Variants in UNC79 observed in about 807,000 individuals in gnomAD.
UNC79 encodes protein unc-79 homolog.
In UNC79, 37 loss-of-function variants were observed where a neutral mutation model predicts 283.1. The ratio of observed to expected loss-of-function variants is 0.13; its 90% CI spans 0.10 to 0.17. UNC79 has a LOEUF of 0.17. Ranked by LOEUF, UNC79 falls within the 10% of genes least tolerant of loss-of-function variation. The pLI is 1.00. For missense variants in UNC79, 2,272 were observed against 3,211.1 expected, an observed-to-expected ratio of 0.71 and a Z score of 7.07; for synonymous variants, 1,107 against 1,200.2, an observed-to-expected ratio of 0.92 and a Z score of 1.61.
intron 14 of UNC79, among the ~76,000 whole-genome samples, chr14:93,554,751 C>T (rs551945316): frequency 6.6e-6 from 1 of 152,336 alleles, no homozygotes; most frequent in Non-Finnish European, 1.5e-5. Context: ...CTGGCTTAAA[C>T]TTTCAGTTAT....
chr14:93,612,824 C>T, exon 27 of UNC79: 1 of 1,614,014 alleles, frequency 6.2e-7, no homozygotes, highest in Non-Finnish European at 8.5e-7. Context: ...AATGACAACA[C>T]CATCAAGGAC....
intron 1 of UNC79, among the ~76,000 whole-genome samples, chr14:93,388,767 T>C (rs1017743117): frequency 2.0e-5 from 3 of 152,232 alleles, no homozygotes; most frequent in African/African-American, 7.2e-5. Context: ...TTGTAAGATA[T>C]TGAAGGAATA....
intron 31 of UNC79, 68 bp downstream of exon 34, chr14:93,634,705 C>A: frequency 7.4e-7 from 1 of 1,354,006 alleles, no homozygotes; most frequent in Non-Finnish European, 1.1e-6. Flanking sequence ...TGTGTCCACT[C>A]TGCTCCCTTG....
chr14:93,587,034 A>G (rs1269308590), intron 22 of UNC79, 126 bp downstream of exon 22: 17 of 1,112,978 alleles, frequency 1.5e-5, no homozygotes, highest in Non-Finnish European at 1.9e-5. Context: ...TCGATTGCCT[A>G]TGATAACTAC....
chr14:93,400,931 G>T (rs189933871), intron 1 of UNC79, among the ~76,000 whole-genome samples: 22 of 152,324 alleles, frequency 1.4e-4, no homozygotes, highest in Non-Finnish European at 2.5e-4. Flanking sequence ...AAGCAGATGG[G>T]AGAATAAGAC....
intron 47 of UNC79, among the ~76,000 whole-genome samples, chr14:93,698,476 GTTTT>G (rs71129655): frequency 3.8e-5 from 3 of 79,096 alleles, no homozygotes; most frequent in African/African-American, 8.0e-5. Context: ...TTTAGTTTAG[GTTTT>G]TTTTTTTTTT....
At chr14:93,512,387 C>G (rs1308688790) in intron 7 of UNC79, among the ~76,000 whole-genome samples, 3 of 138,514 alleles carry the variant, frequency 2.2e-5, no homozygotes, top group Non-Finnish European at 4.8e-5. Context: ...ACTTATTTTG[C>G]TTGGGGTTTG....
At position 93,417,419 on chromosome 14, in the gene UNC79, G is replaced by A. The variant is rs2055487273; in HGVS notation, c.-350-50252G>A. Among the ~76,000 whole-genome samples the A allele has an allele frequency of 3.9e-5, 6 of 152,216 alleles. No homozygotes were observed. The South Asian group carries it at 1.2e-3, about 32-fold the overall frequency. On this transcript the variant is annotated intron_variant, in intron 1 of 49. Coordinates refer to the UNC79 transcript ENST00000256339. Reference sequence around the variant, plus strand: ...GTTAGTCTGATGGGCTTCCCTTTGTGGGTAACCCGACCTTTCTCTCTGGCT... The same window carrying A: ...GTTAGTCTGATGGGCTTCCCTTTGTAGGTAACCCGACCTTTCTCTCTGGCT...
At chr14:93,490,347 T>G (rs934939023) in intron 5 of UNC79, among the ~76,000 whole-genome samples, 4 of 152,206 alleles carry the variant, frequency 2.6e-5, no homozygotes, top group African/African-American at 9.6e-5. Flanking sequence ...ACAGATAGGC[T>G]GAGGGTTTTC....
chr14:93,520,706 G>GC (rs1302920098), intron 7 of UNC79, among the ~76,000 whole-genome samples: 2 of 151,688 alleles, frequency 1.3e-5, no homozygotes, highest in African/African-American at 4.8e-5. Context: ...CTTCTATTAA[G>GC]CCCATTCAGT....
At chr14:93,605,698 A>G (rs1204780857) in intron 26 of UNC79, among the ~76,000 whole-genome samples, 1 of 152,184 alleles carries the variant, frequency 6.6e-6, no homozygotes, top group Non-Finnish European at 1.5e-5. Flanking sequence ...TTTTAAGGTA[A>G]ATGTTTCAGA....
At chr14:93,693,815 AAT>A (rs1289191307) in intron 46 of UNC79, among the ~76,000 whole-genome samples, 1 of 152,218 alleles carries the variant, frequency 6.6e-6, no homozygotes, top group Non-Finnish European at 1.5e-5. Context: ...AACCAAGGAA[AAT>A]AGTCTGTAAT....
In UNC79 at chr14:93,531,531, T is replaced by C. The variant is rs921712796; in HGVS notation, c.1094-1019T>C. Among the ~76,000 whole-genome samples the C allele has an allele frequency of 7.9e-5, 12 of 152,228 alleles. No individual in the cohort carries two copies. The highest frequency in any genetic ancestry group is 2.4e-4 in the African/African-American group (10 of 41,450). ...AAAGAATTCTTATGCATTCATTATG[T>C]AGACAGTAATTTGACAGTCTTGCTC... On this transcript the variant is annotated intron_variant, in intron 10 of 48. Coordinates refer to ENST00000555664, the Ensembl canonical transcript of UNC79. The surrounding 1 kb of genome is among the most constrained non-coding windows in gnomAD (Gnocchi z 4.2).
intron 14 of UNC79, among the ~76,000 whole-genome samples, chr14:93,558,593 A>ATTTT (rs71129647): frequency 5.1e-4 from 32 of 62,776 alleles, no homozygotes; most frequent in African/African-American, 1.5e-3. Flanking sequence ...AGAAACAGGG[A>ATTTT]TTTTTTTTTT....
At chr14:93,592,564 T>C (rs1421961345) in intron 22 of UNC79, among the ~76,000 whole-genome samples, 2 of 152,130 alleles carry the variant, frequency 1.3e-5, no homozygotes, top group African/African-American at 4.8e-5. Context: ...TCCTAAAAAA[T>C]TCAATATATT....
intron 1 of UNC79, among the ~76,000 whole-genome samples, chr14:93,346,867 G>C (rs1383657690): frequency 6.6e-6 from 1 of 152,114 alleles, no homozygotes; most frequent in Non-Finnish European, 1.5e-5. Context: ...TAGGACACGT[G>C]GGTGGAAAGT....
chr14:93,655,474 C>G, intron 38 of UNC79, 67 bp downstream of exon 41: 1 of 1,564,470 alleles, frequency 6.4e-7, no homozygotes, highest in Non-Finnish European at 8.7e-7. Context: ...TATTTACAAG[C>G]AGCAGAGTCT....
intron 1 of UNC79, among the ~76,000 whole-genome samples, chr14:93,451,973 A>T (rs1463411209): frequency 6.6e-6 from 1 of 152,016 alleles, no homozygotes; most frequent in Non-Finnish European, 1.5e-5. Context: ...TTTTACTGTA[A>T]TTTGGTGACA....
At chr14:93,351,681 C>G (rs945916547) in intron 1 of UNC79, among the ~76,000 whole-genome samples, 1 of 152,068 alleles carries the variant, frequency 6.6e-6, no homozygotes, top group African/African-American at 2.4e-5. Flanking sequence ...TATATATACA[C>G]ATTTATATAT....
Sources: allele counts gnomAD v4.1 joint callset (sites outside exome capture counted in the v4.1 genomes callset), GRCh38; gene constraint gnomAD v4.1.1; non-coding constraint Gnocchi (gnomAD v3.1); transcripts MANE v1.5; gene names NCBI Gene and HGNC (gene_info 2026-07-23, HGNC 2026-07-21).